The following NEBL variants were observed in gnomAD, a reference collection of about 807,000 sequenced individuals.
NEBL encodes LIM and SH3 protein 2.
A neutral mutation model predicts 140.2 loss-of-function variants in NEBL; 122 were observed. The observed-to-expected ratio is 0.87, with a 90% CI of 0.75 to 1.01. The LOEUF is 1.01. Ranked by LOEUF, NEBL falls within the 50% of genes least tolerant of loss-of-function variation. The probability of loss-of-function intolerance (pLI) is 0.00; values close to 1 mark genes in which losing one functional copy is unlikely to be tolerated. For synonymous variants in NEBL, 436 were observed against 398.9 expected (o/e 1.09, Z -1.11); for missense variants, 1,365 against 1,231.3 (o/e 1.11, Z -1.62).
chr10:20,805,565 C>G (rs373777827), intron 26 of NEBL, among the ~76,000 whole-genome samples: 2 of 152,208 alleles, frequency 1.3e-5, no homozygotes, highest in South Asian at 4.1e-4. Context: ...AAAGAGTCAA[C>G]TTTTTGGCCA....
At chr10:21,116,180 A>G (rs956624772) in intron 2 of NEBL, among the ~76,000 whole-genome samples, 3 of 151,994 alleles carry the variant, frequency 2.0e-5, no homozygotes, top group Non-Finnish European at 4.4e-5. Context: ...GTATTAGCTC[A>G]GGCTGCTATA....
chr10:20,925,484 TC>T (rs575988518), intron 4 of NEBL, among the ~76,000 whole-genome samples: 102 of 152,256 alleles, frequency 6.7e-4, no homozygotes, highest in African/African-American at 2.4e-3. Context: ...TTCTACTCTG[TC>T]CTTTTTCCCA....
chr10:21,246,698 G>T (rs1272080402), intron 3 of NEBL, among the ~76,000 whole-genome samples: 1 of 152,062 alleles, frequency 6.6e-6, no homozygotes, highest in Non-Finnish European at 1.5e-5. Flanking sequence ...ATCGAGCGTG[G>T]TGGTGCATGC....
At chr10:21,203,747 T>G (rs989747838) in intron 3 of NEBL, among the ~76,000 whole-genome samples, 4 of 152,214 alleles carry the variant, frequency 2.6e-5, no homozygotes, top group Admixed American at 1.3e-4. Context: ...TCTTTTGGAC[T>G]GCACAGTATC....
rs188497052 is a variant in NEBL, at chr10:21,040,729, T to C, written c.165-20528A>G. On this transcript the variant is annotated intron_variant, in intron 2 of 6. Transcript: ENST00000417816. ...TCCCCACCCAAATCTCATGTCAAATTGTAATCCCCAATGTTGGAGAAGGGG... is the reference window on the plus strand; with the variant it reads ...TCCCCACCCAAATCTCATGTCAAATCGTAATCCCCAATGTTGGAGAAGGGG... 9.9e-5 allele frequency among the ~76,000 whole-genome samples: 15 copies of C among 152,280 alleles called. 1 individual carries two copies. The highest frequency in any genetic ancestry group is 3.4e-4 in the African/African-American group (14 of 41,558).
chr10:20,987,860 A>T (rs538918996), intron 3 of NEBL, among the ~76,000 whole-genome samples: 11 of 152,250 alleles, frequency 7.2e-5, no homozygotes, highest in African/African-American at 2.6e-4. Context: ...CATCACTAGG[A>T]CTTCCACTGA....
intron 2 of NEBL, among the ~76,000 whole-genome samples, chr10:21,058,645 T>C (rs776163836): frequency 7.2e-5 from 11 of 152,304 alleles, no homozygotes; most frequent in Admixed American, 1.3e-4. Context: ...ATTGTCTCAG[T>C]CATCAATCTC....
At chr10:21,257,384 C>A (rs1186715514) in intron 1 of NEBL, among the ~76,000 whole-genome samples, 1 of 152,154 alleles carries the variant, frequency 6.6e-6, no homozygotes, top group Non-Finnish European at 1.5e-5. Context: ...CTGAGCTTAG[C>A]CAAGCCACTT....
upstream of NEBL, chr10:21,174,286 C>T (rs1564536743): frequency 6.5e-6 from 1 of 153,804 alleles, no homozygotes; most frequent in Admixed American, 6.5e-5. Context: ...GGCAGAGACC[C>T]GGAAAGCTCC....
intron 3 of NEBL, among the ~76,000 whole-genome samples, chr10:21,194,688 A>C (rs2132220269): frequency 6.6e-6 from 1 of 152,274 alleles, no homozygotes; most frequent in South Asian, 2.1e-4. Context: ...TTGAGGCCAC[A>C]CAGAGCCTCT....
chr10:20,855,496 A>C (rs1452429205), intron 9 of NEBL, among the ~76,000 whole-genome samples: 1 of 142,826 alleles, frequency 7.0e-6, no homozygotes, highest in Non-Finnish European at 1.5e-5. Flanking sequence ...AGAATTTCAG[A>C]AACTCCTATT....
At chr10:20,870,813 G>C (rs1008854283) in intron 5 of NEBL, among the ~76,000 whole-genome samples, 4 of 152,178 alleles carry the variant, frequency 2.6e-5, no homozygotes, top group Non-Finnish European at 5.9e-5. Context: ...ATGGTAAGTA[G>C]AGATTTAAAG....
chr10:21,233,695 GAC>G (rs1322277172), intron 3 of NEBL, among the ~76,000 whole-genome samples: 1 of 140,864 alleles, frequency 7.1e-6, no homozygotes, highest in East Asian at 2.0e-4. Context: ...TAGATATAGA[GAC>G]ATATTTATAT....
At position 21,032,401 on chromosome 10, in the gene NEBL, G is replaced by C. The variant is rs554307142; in HGVS notation, c.165-12200C>G. ...CCTGATATTCTTCTGGGATTTTGGG[G>C]TCTAAGATGCTTTTTGAGCCTATCT... On this transcript the variant is annotated intron_variant, in intron 2 of 6. Coordinates refer to the NEBL transcript ENST00000417816. 3.5e-4 allele frequency among the ~76,000 whole-genome samples: 54 copies of C among 152,240 alleles called. 2 individuals carry two copies. In the South Asian group the frequency reaches 0.011, roughly 30 times the overall value.
Position 20,784,582 on chromosome 10 carries a change from CA to C in NEBL, c.*1164del, listed in dbSNP as rs1835260808. ...ATTCCAGAATTTGAATACCATTTTC[CA>C]AAAGAAGATACCAGATCATCTCTGT... On this transcript the variant is annotated 3_prime_UTR_variant, in exon 28 of 28. Transcript: ENST00000377122. 1 of 152,080 alleles carries C rather than the reference CA, an allele frequency of 6.6e-6. No homozygotes were observed. Among genetic ancestry groups the C allele is most frequent in the Admixed American group, 6.5e-5 (1 of 15,268 alleles). The allele number at this position is 152,080 out of a possible 1,614,324, so 9.4% of individuals were successfully genotyped here. A position where few individuals can be genotyped will look rare whatever the true frequency, so the allele number is the denominator to read the frequency against.
chr10:21,293,045 C>T (rs910312966), upstream of NEBL, among the ~76,000 whole-genome samples: 1 of 152,210 alleles, frequency 6.6e-6, no homozygotes, highest in Non-Finnish European at 1.5e-5. Context: ...GTGGCCTCAA[C>T]AACATAGCAC....
intron 3 of NEBL, 125 bp downstream of exon 3, chr10:20,889,720 G>C (rs1341261412): frequency 1.4e-6 from 1 of 704,724 alleles, no homozygotes; most frequent in Non-Finnish European, 2.6e-6. Flanking sequence ...TAATTATGTA[G>C]CTATTACTAA....
rs1046038086 is a variant in NEBL, at chr10:20,783,195, T to G, written c.*2552A>C. 1.3e-5 allele frequency: 2 copies of G among 152,364 alleles called. No homozygotes were observed. The highest frequency in any genetic ancestry group is 4.8e-5 in the African/African-American group (2 of 41,428). The allele number at this position is 152,364 out of a possible 1,614,324, so 9.4% of individuals were successfully genotyped here. On this transcript the variant is annotated 3_prime_UTR_variant, in exon 28 of 28. Coordinates refer to ENST00000377122, the MANE Select transcript of NEBL (RefSeq NM_006393.3). ...ATGTCATTTTTTTTTAAATGATGCT[T>G]TTAAAAATAGCACTTTGGTTTTATA...
chr10:21,137,958 G>A (rs555401181), intron 2 of NEBL, among the ~76,000 whole-genome samples: 3 of 151,350 alleles, frequency 2.0e-5, no homozygotes, highest in African/African-American at 4.9e-5. Flanking sequence ...GAAGGGAAGG[G>A]AAGGGAATGG....
Sources: gnomAD v4.1 joint callset for allele counts (sites outside exome capture counted in the v4.1 genomes callset) on GRCh38, gnomAD v4.1.1 for gene constraint, MANE v1.5 for transcripts, NCBI Gene and HGNC (gene_info 2026-07-23, HGNC 2026-07-21) for gene names.